Variants in MYL3 observed in about 807,000 individuals in gnomAD.
The protein encoded by MYL3 is CMLC1.
In MYL3, 11 loss-of-function variants were observed where a neutral mutation model predicts 21.3. The ratio of observed to expected loss-of-function variants is 0.52; its 90% CI spans 0.32 to 0.85. The LOEUF (loss-of-function observed/expected upper bound fraction) is 0.85. Among genes scored for constraint, MYL3 ranks in the 40% least tolerant of loss-of-function variants. MYL3 has a pLI of 0.03. For missense variants in MYL3, 206 were observed against 253.3 expected (o/e 0.81, Z 1.27); for synonymous variants, 88 against 91.6 (o/e 0.96, Z 0.22).
intron 1 of MYL3, among the ~76,000 whole-genome samples, chr3:46,878,894 A>G (rs1394817592): frequency 2.0e-5 from 3 of 151,696 alleles, no homozygotes; most frequent in Non-Finnish European, 4.4e-5. Context: ...ACAGGGACTC[A>G]CTCCTACTCC....
At chr3:46,873,426 A>G (rs1251757154) in intron 1 of MYL3, among the ~76,000 whole-genome samples, 1 of 152,206 alleles carries the variant, frequency 6.6e-6, no homozygotes, top group African/African-American at 2.4e-5. Flanking sequence ...CTGAGCTTGC[A>G]GAACACATTG....
At chr3:46,873,742 G>A (rs1300386604) in intron 1 of MYL3, among the ~76,000 whole-genome samples, 1 of 152,202 alleles carries the variant, frequency 6.6e-6, no homozygotes, top group Non-Finnish European at 1.5e-5. Flanking sequence ...GCTCAGGAAA[G>A]GAGTGCAGTG....
chr3:46,878,140 G>C (rs997136414), intron 1 of MYL3, among the ~76,000 whole-genome samples: 1 of 152,206 alleles, frequency 6.6e-6, no homozygotes, highest in African/African-American at 2.4e-5. Flanking sequence ...TCACCTTCCT[G>C]AGAGGCAAGA....
chr3:46,863,164 T>C, intron 1 of MYL3, 98 bp downstream of exon 1: 1 of 1,563,382 alleles, frequency 6.4e-7, no homozygotes, highest in Middle Eastern at 2.3e-4. Flanking sequence ...GTCAGCTCAG[T>C]GCTCACCTCC....
upstream of MYL3, among the ~76,000 whole-genome samples, chr3:46,868,023 G>C (rs1274810245): frequency 3.9e-5 from 6 of 152,184 alleles, no homozygotes; most frequent in Non-Finnish European, 7.4e-5. Flanking sequence ...CACGAGGCAG[G>C]TACAAGGACC....
rs1702011145 is a variant in MYL3, at chr3:46,863,314, G to C, written c.77C>G (p.Pro26Arg). The change falls in exon 1 of 7, where the codon CCC becomes CGC. Residue 26 changes from proline to arginine, a missense_variant. Transcript: ENST00000292327. ...CTCCTTAGGGCGCTCAGGCTCAGGG[G>C]GAGGTGCGGGAGCTGGAGCTGCCTT... ...APKAAPAPAPPPEPERPKEVE... is the reference protein window; with the variant it reads ...APKAAPAPAPRPEPERPKEVE... The C allele has an allele frequency of 6.2e-7, 1 of 1,614,066 alleles. No individual in the cohort carries two copies. The highest frequency in any genetic ancestry group is 8.5e-7 in the Non-Finnish European group (1 of 1,180,040).
Position 46,858,107 on chromosome 3 carries a change from A to T in MYL3, c.*14-6T>A. The T allele has an allele frequency of 1.7e-6, 2 of 1,166,648 alleles. No individual in the cohort carries two copies. Among genetic ancestry groups the T allele is most frequent in the Non-Finnish European group, 2.6e-6 (2 of 783,894 alleles). 72.3% of individuals were successfully genotyped at this position (1,166,648 alleles called of 1,614,324 possible). On this transcript the variant is annotated splice_polypyrimidine_tract_variant and splice_region_variant and intron_variant, in intron 6 of 6. Transcript: ENST00000292327. ...CACAGCCTTCCCTGGGCTTCCTGAG[A>T]GCAAAGGCAGTGCAGATTACAGAGG...
intron 1 of MYL3, among the ~76,000 whole-genome samples, chr3:46,872,742 A>G (rs2029983152): frequency 6.6e-6 from 1 of 152,234 alleles, no homozygotes; most frequent in Non-Finnish European, 1.5e-5. Flanking sequence ...CTGCTGTCTC[A>G]GGGTTAGGCT....
At chr3:46,877,715 C>T (rs1326673057) in intron 1 of MYL3, 1 of 152,254 alleles carries the variant, frequency 6.6e-6, no homozygotes, top group Non-Finnish European at 1.5e-5. Context: ...TTTTCTTGTC[C>T]CCAGCAGCAC....
In MYL3 at chr3:46,879,997, C is replaced by T. The variant is rs2030453728; in HGVS notation, c.-218+2077G>A. The stretch of plus-strand genomic sequence containing the variant: ...GAGGTTGCAGTCAGCCGAGATCGCA[C>T]CACTGCACTCCAGCCTGGCCAACAG... On this transcript the variant is annotated intron_variant, in intron 1 of 3. Transcript: ENST00000431168. This position sits in a 1 kb window ranked among gnomAD's most constrained non-coding sequence, Gnocchi z 4.7. Among the ~76,000 whole-genome samples, 1 of 152,134 alleles carries T rather than the reference C, an allele frequency of 6.6e-6. No homozygotes were observed. Among genetic ancestry groups the T allele is most frequent in the South Asian group, 2.1e-4 (1 of 4,824 alleles).
chr3:46,872,954 G>C (rs1204810928), intron 1 of MYL3, among the ~76,000 whole-genome samples: 1 of 152,194 alleles, frequency 6.6e-6, no homozygotes, highest in Non-Finnish European at 1.5e-5. Flanking sequence ...AAGGGAGCAG[G>C]GTGTTTGGAA....
Position 46,860,550 on chromosome 3 carries a change from T to G in MYL3, c.307+126A>C. 1 of 1,362,334 alleles carries G rather than the reference T, an allele frequency of 7.3e-7. No individual in the cohort carries two copies. Among genetic ancestry groups the G allele is most frequent in the East Asian group, 2.5e-5 (1 of 40,226 alleles). The allele number at this position is 1,362,334 out of a possible 1,614,324, so 84.4% of individuals were successfully genotyped here. The stretch of plus-strand genomic sequence containing the variant: ...GGCATGGCCCTGTGACTGGCCTCGG[T>G]GCCCTCATCGGGACAATGCGAGATG... On this transcript the variant is annotated intron_variant, in intron 3 of 6. Transcript: ENST00000292327. The surrounding 1 kb of genome is among the most constrained non-coding windows in gnomAD (Gnocchi z 4.6).
chr3:46,858,503 G>T, intron 4 of MYL3, 42 bp from the exon 5 acceptor site: 1 of 1,588,838 alleles, frequency 6.3e-7, no homozygotes. Context: ...TGCGTGCAGA[G>T]GCATGATGGG....
rs187859173 is a variant in MYL3 at position 46,868,966 on chromosome 3, G to C, written c.-217-2366C>G. ...GGTGAGGTTCGGGATACCGGGGTCTGGGATGGGAGGAGGGGGTGCCAATGT... is the reference window on the plus strand; with the variant it reads ...GGTGAGGTTCGGGATACCGGGGTCTCGGATGGGAGGAGGGGGTGCCAATGT... On this transcript the variant is annotated intron_variant, in intron 1 of 3. Coordinates refer to the MYL3 transcript ENST00000431168. Among the ~76,000 whole-genome samples the C allele has an allele frequency of 3.9e-5, 6 of 152,342 alleles. No homozygotes were observed. In the East Asian group the frequency reaches 1.2e-3, roughly 29 times the overall value.
intron 1 of MYL3, among the ~76,000 whole-genome samples, chr3:46,876,717 C>T (rs1057033828): frequency 6.6e-6 from 1 of 152,218 alleles, no homozygotes; most frequent in East Asian, 1.9e-4. Flanking sequence ...TTGGGGCCAG[C>T]TGCCTCACAT....
upstream of MYL3, among the ~76,000 whole-genome samples, chr3:46,865,195 C>T (rs968435206): frequency 2.0e-5 from 3 of 152,210 alleles, no homozygotes. The surrounding 1 kb of genome is among the most constrained non-coding windows in gnomAD (Gnocchi z 4.3). Flanking sequence ...GGCCAGCCCG[C>T]TCCTGACTGG....
At chr3:46,864,896 G>A (rs1200301362), upstream of MYL3, among the ~76,000 whole-genome samples, 1 of 152,258 alleles carries the variant, frequency 6.6e-6, no homozygotes, top group Non-Finnish European at 1.5e-5. This position sits in a 1 kb window ranked among gnomAD's most constrained non-coding sequence, Gnocchi z 4.7. Flanking sequence ...GCATGGGGAC[G>A]CCAACAGTGG....
Position 46,860,844 on chromosome 3 carries a change from G to A in MYL3, c.158-19C>T. ...TTGAACTCTGCCAGGAGAGGGCAGT[G>A]AGCCACAGACACTCCCAGGGTCAGC... On this transcript the variant is annotated intron_variant, in intron 2 of 6. Transcript: ENST00000292327. The surrounding 1 kb of genome is among the most constrained non-coding windows in gnomAD (Gnocchi z 4.6). 6.2e-7 allele frequency: 1 copy of A among 1,614,006 alleles called. No homozygotes were observed. Among genetic ancestry groups the A allele is most frequent in the African/African-American group, 1.3e-5 (1 of 75,006 alleles).
At chr3:46,865,198 C>T (rs1702036543), upstream of MYL3, among the ~76,000 whole-genome samples, 1 of 152,208 alleles carries the variant, frequency 6.6e-6, no homozygotes, top group Non-Finnish European at 1.5e-5. This position sits in a 1 kb window ranked among gnomAD's most constrained non-coding sequence, Gnocchi z 4.3. Flanking sequence ...CAGCCCGCTC[C>T]TGACTGGAAC....
Sources: allele counts gnomAD v4.1 joint callset (sites outside exome capture counted in the v4.1 genomes callset), GRCh38; gene constraint gnomAD v4.1.1; non-coding constraint Gnocchi (gnomAD v3.1); transcripts MANE v1.5; gene names NCBI Gene and HGNC (gene_info 2026-07-23, HGNC 2026-07-21).